MAGI2: variants seen among roughly 807,000 people sequenced by gnomAD.
The protein encoded by MAGI2 is membrane associated guanylate kinase, WW and PDZ domain containing 2.
MAGI2 carries 35 observed loss-of-function variants against 133.3 expected under a neutral mutation model. The observed-to-expected ratio is 0.26, with a 90% CI of 0.20 to 0.35. The LOEUF is 0.35. Ranked by LOEUF, MAGI2 falls within the 10% of genes least tolerant of loss-of-function variation. MAGI2 has a pLI of 1.00. For synonymous variants in MAGI2, 729 were observed against 710.6 expected, an observed-to-expected ratio of 1.03 and a Z score of -0.41; for missense variants, 1,636 against 1,863.4, an observed-to-expected ratio of 0.88 and a Z score of 2.25.
chr7:78,360,910 G>C lies in MAGI2; in HGVS notation c.1103+8246C>G, dbSNP rs147059801. ...TCCTTCTTTGGCAGCAGAGAACATG[G>C]TGTCTCCAGCTGTGAGCATTCCTGC... On this transcript the variant is annotated intron_variant, in intron 7 of 21. Coordinates refer to ENST00000354212, the MANE Select transcript of MAGI2 (RefSeq NM_012301.4). Among the ~76,000 whole-genome samples, 189 of 152,312 alleles carry C rather than the reference G, an allele frequency of 1.2e-3. 1 individual carries two copies. Among genetic ancestry groups the C allele is most frequent in the African/African-American group, 4.4e-3 (184 of 41,568 alleles).
chr7:78,753,346 G>T (rs1223154107), intron 2 of MAGI2, among the ~76,000 whole-genome samples: 1 of 151,896 alleles, frequency 6.6e-6, no homozygotes, highest in East Asian at 1.9e-4. Context: ...TGCTAGCTGG[G>T]CTTTGTAGCA....
chr7:78,225,447 T>G (rs1218568193), intron 10 of MAGI2, among the ~76,000 whole-genome samples: 1 of 152,170 alleles, frequency 6.6e-6, no homozygotes, highest in Admixed American at 6.5e-5. Context: ...CCTCCTGGTC[T>G]TAGGTGATCC....
At chr7:78,987,123 A>G (rs538253873) in intron 2 of MAGI2, among the ~76,000 whole-genome samples, 1 of 152,168 alleles carries the variant, frequency 6.6e-6, no homozygotes, top group East Asian at 1.9e-4. Context: ...GGTCAATACA[A>G]CTGGTGTGGT....
At chr7:79,340,124 C>T (rs565463678) in intron 1 of MAGI2, among the ~76,000 whole-genome samples, 9 of 152,104 alleles carry the variant, frequency 5.9e-5, no homozygotes, top group African/African-American at 1.2e-4. Flanking sequence ...GTTCTATTAG[C>T]TTTGGTTTTG....
intron 21 of MAGI2, among the ~76,000 whole-genome samples, chr7:78,049,240 A>T (rs866840959): frequency 8.5e-5 from 13 of 152,326 alleles, no homozygotes; most frequent in Middle Eastern, 3.4e-3. Context: ...AAAAGACGAG[A>T]CGGCATCTCA....
chr7:79,410,750 T>C (rs747006409), intron 1 of MAGI2: 4 of 152,176 alleles, frequency 2.6e-5, no homozygotes, highest in Non-Finnish European at 5.9e-5. Flanking sequence ...AAAAATTACT[T>C]TCCAACTTAA....
chr7:79,416,283 T>C (rs975499593), intron 1 of MAGI2, among the ~76,000 whole-genome samples: 5 of 151,978 alleles, frequency 3.3e-5, no homozygotes, highest in African/African-American at 1.2e-4. Context: ...AAAGAGATGT[T>C]AGGAACATAT....
At chr7:78,470,957 G>A (rs1276499902) in intron 6 of MAGI2, among the ~76,000 whole-genome samples, 2 of 152,090 alleles carry the variant, frequency 1.3e-5, no homozygotes, top group Non-Finnish European at 2.9e-5. Context: ...GCCATTAGTG[G>A]CAGGAGTAAA....
chr7:78,248,296 A>G (rs1792010148), intron 10 of MAGI2, among the ~76,000 whole-genome samples: 2 of 152,320 alleles, frequency 1.3e-5, no homozygotes, highest in East Asian at 1.9e-4. Flanking sequence ...TGAAAGTACA[A>G]CATTCACTGA....
At chr7:78,070,216 T>TACACACACAC (rs1164217422) in intron 21 of MAGI2, among the ~76,000 whole-genome samples, 7 of 52,096 alleles carry the variant, frequency 1.3e-4, no homozygotes, top group African/African-American at 2.9e-4. Context: ...TATATATATA[T>TACACACACAC]ATACACACAC....
intron 1 of MAGI2, among the ~76,000 whole-genome samples, chr7:79,070,740 C>T (rs955513919): frequency 2.0e-5 from 3 of 152,052 alleles, no homozygotes; most frequent in African/African-American, 7.2e-5. Flanking sequence ...ATCCACCCAC[C>T]TCAGCCTCCC....
At chr7:78,730,412 CAAAAAA>C (rs34294077) in intron 2 of MAGI2, among the ~76,000 whole-genome samples, 1 of 138,230 alleles carries the variant, frequency 7.2e-6, no homozygotes, top group Non-Finnish European at 1.6e-5. Context: ...AATACTAAGC[CAAAAAA>C]AAAAAAAAAA....
Position 79,250,348 on chromosome 7 carries a change from C to CAA in MAGI2, c.301+202670_301+202671dup, listed in dbSNP as rs61147108. 7.5e-3 allele frequency among the ~76,000 whole-genome samples: 981 copies of CAA among 130,416 alleles called. 6 individuals are homozygous for CAA. Among genetic ancestry groups the CAA allele is most frequent in the East Asian group, 0.029 (128 of 4,386 alleles). 85.6% of individuals were successfully genotyped at this position (130,416 alleles called of 152,430 possible). ...ATTTGGAAAAAGCTAATGACTCTAC[C>CAA]AAAAAAAAAAAAAAAGAAAACAAAC... On this transcript the variant is annotated intron_variant, in intron 1 of 21. Transcript: ENST00000354212.
chr7:78,677,396 G>A (rs1465355184), intron 2 of MAGI2, among the ~76,000 whole-genome samples: 1 of 151,280 alleles, frequency 6.6e-6, no homozygotes, highest in Non-Finnish European at 1.5e-5. Flanking sequence ...ACTTTTAAAT[G>A]ACATATATTA....
chr7:78,026,151 C>T (rs935696918), intron 21 of MAGI2: 4 of 152,430 alleles, frequency 2.6e-5, no homozygotes, highest in African/African-American at 9.7e-5. Context: ...AGTATATATA[C>T]ACACAGATCA....
At chr7:79,292,951 T>C (rs1323067964) in intron 1 of MAGI2, among the ~76,000 whole-genome samples, 1 of 152,102 alleles carries the variant, frequency 6.6e-6, no homozygotes, top group Non-Finnish European at 1.5e-5. Context: ...CCTACATTAC[T>C]GCTTTAAACA....
At chr7:79,180,953 C>T (rs1826562297) in intron 1 of MAGI2, among the ~76,000 whole-genome samples, 1 of 151,942 alleles carries the variant, frequency 6.6e-6, no homozygotes, top group Admixed American at 6.6e-5. Context: ...TCTCCTTTGA[C>T]TTCATGTCTC....
intron 2 of MAGI2, among the ~76,000 whole-genome samples, chr7:78,637,897 C>G (rs890880673): frequency 3.3e-5 from 5 of 151,974 alleles, no homozygotes; most frequent in African/African-American, 1.2e-4. Context: ...GGGCTACATA[C>G]AGAGATCTCA....
At chr7:78,946,048 T>C (rs1482075392) in intron 2 of MAGI2, among the ~76,000 whole-genome samples, 1 of 152,166 alleles carries the variant, frequency 6.6e-6, no homozygotes, top group African/African-American at 2.4e-5. Context: ...TATTTGTAAC[T>C]AGCATAATCA....
Sources: allele counts gnomAD v4.1 joint callset (sites outside exome capture counted in the v4.1 genomes callset), GRCh38; gene constraint gnomAD v4.1.1; transcripts MANE v1.5; gene names NCBI Gene and HGNC (gene_info 2026-07-23, HGNC 2026-07-21).